Variants in DIS3L2 observed in about 807,000 individuals in gnomAD.
The protein encoded by DIS3L2 is DIS3 like 3'-5' exoribonuclease 2, also known as DIS3-like exonuclease 2.
Under a neutral mutation model 97.5 loss-of-function variants are expected in DIS3L2, and 34 were observed. The observed-to-expected ratio is 0.35, with a 90% CI of 0.27 to 0.46. The LOEUF is 0.46. Ranked by LOEUF, DIS3L2 falls within the 20% of genes least tolerant of loss-of-function variation. The pLI is 1.00. For synonymous variants in DIS3L2, 435 were observed against 445.2 expected, an observed-to-expected ratio of 0.98 and a Z score of 0.29; for missense variants, 1,038 against 1,146.0, an observed-to-expected ratio of 0.91 and a Z score of 1.36.
intron 5 of DIS3L2, among the ~76,000 whole-genome samples, chr2:232,062,487 C>T (rs1225471400): frequency 1.3e-5 from 2 of 152,130 alleles, no homozygotes; most frequent in Admixed American, 6.6e-5. Flanking sequence ...TAATGTACTA[C>T]TATCATTATT....
chr2:232,086,616 TATATATATATATACAC>T (rs1438156247), intron 5 of DIS3L2, among the ~76,000 whole-genome samples: 9 of 114,900 alleles, frequency 7.8e-5, no homozygotes, highest in Admixed American at 2.1e-4. Flanking sequence ...TGTGTGTGTA[TATATATATATATACAC>T]ATATATATAT....
chr2:232,224,726 C>T (rs1692595095), intron 10 of DIS3L2, among the ~76,000 whole-genome samples: 1 of 151,750 alleles, frequency 6.6e-6, no homozygotes, highest in South Asian at 2.1e-4. Context: ...GTAATCCCAG[C>T]TACTCGGGAG....
At chr2:232,343,119 G>A (rs1257583185) in intron 13 of DIS3L2, 1 of 529,188 alleles carries the variant, frequency 1.9e-6, no homozygotes, top group African/African-American at 1.9e-5. Flanking sequence ...GGGTCTTCTG[G>A]AAGTAACTGA....
intron 6 of DIS3L2, among the ~76,000 whole-genome samples, chr2:232,098,036 A>G (rs1574873252): frequency 6.6e-6 from 1 of 152,144 alleles, no homozygotes; most frequent in African/African-American, 2.4e-5. Flanking sequence ...GGGTGTACCT[A>G]GAAATGTCAT....
At chr2:232,279,308 G>T in intron 13 of DIS3L2, among the ~76,000 whole-genome samples, 1 of 152,088 alleles carries the variant, frequency 6.6e-6, no homozygotes, top group East Asian at 1.9e-4. Context: ...TTTTTTAGGT[G>T]TGGTGATAGG....
Position 232,269,749 on chromosome 2 carries a change from G to A in DIS3L2, c.1659+6309G>A, listed in dbSNP as rs76848559. 2.9e-5 allele frequency among the ~76,000 whole-genome samples: 3 copies of A among 104,116 alleles called. No individual in the cohort carries two copies. The highest frequency in any genetic ancestry group is 9.5e-5 in the Admixed American group (1 of 10,512). The allele number at this position is 104,116 out of a possible 152,430, so 68.3% of individuals were successfully genotyped here. A position where few individuals can be genotyped will look rare whatever the true frequency, so the allele number is the denominator to read the frequency against. Reference sequence around the variant, plus strand: ...AGATTGTTCCAGGGTGTGTGGTGTAGGGTGCAGAGAGAGAGAGGAGCTAGA... The same window carrying A: ...AGATTGTTCCAGGGTGTGTGGTGTAAGGTGCAGAGAGAGAGAGGAGCTAGA... On this transcript the variant is annotated intron_variant, in intron 13 of 20. Transcript: ENST00000325385. The surrounding 1 kb of genome is among the most constrained non-coding windows in gnomAD (Gnocchi z 4.5).
At chr2:232,005,345 A>G (rs1174923757) in intron 1 of DIS3L2, among the ~76,000 whole-genome samples, 2 of 152,132 alleles carry the variant, frequency 1.3e-5, no homozygotes, top group Non-Finnish European at 2.9e-5. Context: ...CTACATGTCT[A>G]CATGGCTAAG....
In DIS3L2 at chr2:232,343,454, G is replaced by T. The variant is rs751199220; in HGVS notation, c.1691G>T (p.Gly564Val). 2.0e-5 allele frequency: 31 copies of T among 1,555,884 alleles called. No individual in the cohort carries two copies. The highest frequency in any genetic ancestry group is 2.7e-5 in the Non-Finnish European group (31 of 1,149,800). Residue 564 changes from glycine to valine, a missense_variant, in exon 14 of 14, where the codon GGC becomes GTC. Gly to Val is a moderately radical substitution (Grantham distance 109, BLOSUM62 -3). Coordinates refer to the DIS3L2 transcript ENST00000273009. Reference sequence around the variant, plus strand: ...GAGGAACGCCTGCCTGAGACTCGGGGCATATGTGACAGGGATCCAGACACA... The same window carrying T: ...GAGGAACGCCTGCCTGAGACTCGGGTCATATGTGACAGGGATCCAGACACA...
chr2:232,284,699 C>T (rs560810492), intron 13 of DIS3L2, among the ~76,000 whole-genome samples: 1 of 152,274 alleles, frequency 6.6e-6, no homozygotes, highest in Admixed American at 6.5e-5. Context: ...TTCCCCATCA[C>T]CTGGAATCTC....
chr2:232,061,468 A>G (rs1051447211), intron 5 of DIS3L2, among the ~76,000 whole-genome samples: 3 of 152,202 alleles, frequency 2.0e-5, no homozygotes, highest in African/African-American at 7.2e-5. Context: ...GATCAACCAC[A>G]ATGAAGATAA....
intron 13 of DIS3L2, among the ~76,000 whole-genome samples, chr2:232,342,214 TATATAC>T (rs1696120762): frequency 6.7e-6 from 1 of 150,302 alleles, no homozygotes; most frequent in Non-Finnish European, 1.5e-5. Context: ...TATATACACA[TATATAC>T]ACATACATAT....
intron 13 of DIS3L2, among the ~76,000 whole-genome samples, chr2:232,289,232 A>G (rs1196782869): frequency 6.6e-6 from 1 of 152,010 alleles, no homozygotes; most frequent in Non-Finnish European, 1.5e-5. Flanking sequence ...AAATGAGGAA[A>G]GAGTTTTTTG....
At chr2:232,118,771 T>C (rs1395756730) in intron 6 of DIS3L2, among the ~76,000 whole-genome samples, 3 of 152,230 alleles carry the variant, frequency 2.0e-5, no homozygotes, top group African/African-American at 4.8e-5. Context: ...GAGTGGTCCA[T>C]GTTAGCCTGA....
At chr2:232,036,075 TA>T (rs1189451766) in intron 5 of DIS3L2, among the ~76,000 whole-genome samples, 1 of 152,238 alleles carries the variant, frequency 6.6e-6, no homozygotes, top group African/African-American at 2.4e-5. Flanking sequence ...CCTGTCTTGC[TA>T]GGTTGGGGAA....
intron 1 of DIS3L2, among the ~76,000 whole-genome samples, chr2:232,006,052 G>A (rs543943507): frequency 7.2e-5 from 11 of 152,314 alleles, no homozygotes; most frequent in East Asian, 1.9e-4. Flanking sequence ...GCCGGGCATG[G>A]TGGCACACTC....
rs1451378824 is a variant in DIS3L2, at chr2:232,276,859, T to C, written c.1659+13419T>C. Among the ~76,000 whole-genome samples the C allele has an allele frequency of 6.6e-6, 1 of 152,192 alleles. No homozygotes were observed. Among genetic ancestry groups the C allele is most frequent in the Non-Finnish European group, 1.5e-5 (1 of 68,036 alleles). On this transcript the variant is annotated intron_variant, in intron 13 of 20. Coordinates refer to ENST00000325385, the MANE Select transcript of DIS3L2 (RefSeq NM_152383.5). This position sits in a 1 kb window ranked among gnomAD's most constrained non-coding sequence, Gnocchi z 4.4. ...TAGATGAGATGTACCCGTAAAACAC[T>C]TGGAACAGTGCCTGACACATAGCAA... is the stretch of plus-strand genomic sequence containing the variant.
chr2:232,213,544 T>A, intron 10 of DIS3L2, among the ~76,000 whole-genome samples: 1 of 152,042 alleles, frequency 6.6e-6, no homozygotes, highest in East Asian at 1.9e-4. Flanking sequence ...TGGGGTGAGG[T>A]TGGCTAAGTT....
chr2:231,990,862 A>T (rs1479743535), intron 1 of DIS3L2, among the ~76,000 whole-genome samples: 1 of 152,118 alleles, frequency 6.6e-6, no homozygotes, highest in Non-Finnish European at 1.5e-5. Context: ...AATATACTAA[A>T]CTCCAGCATT....
At chr2:232,038,866 C>T (rs1695027041) in intron 5 of DIS3L2, among the ~76,000 whole-genome samples, 1 of 152,158 alleles carries the variant, frequency 6.6e-6, no homozygotes, top group African/African-American at 2.4e-5. Flanking sequence ...AAACTGAATA[C>T]AACAAAGTTG....
Sources: gnomAD v4.1 joint callset for allele counts (sites outside exome capture counted in the v4.1 genomes callset) on GRCh38, gnomAD v4.1.1 for gene constraint, Gnocchi (gnomAD v3.1) non-coding constraint, MANE v1.5 for transcripts, NCBI Gene and HGNC (gene_info 2026-07-23, HGNC 2026-07-21) for gene names.